HAND2: variants seen among roughly 807,000 people sequenced by gnomAD.
HAND2 encodes the protein heart and neural crest derivatives expressed 2.
HAND2 carries 2 observed loss-of-function variants against 14.7 expected under a neutral mutation model. That is an observed-to-expected ratio of 0.14 (90% CI 0.06 to 0.43). The LOEUF (loss-of-function observed/expected upper bound fraction) is 0.43, where lower values mean the gene tolerates loss of function less well. HAND2 is among the 20% of genes least tolerant of loss of function. The pLI, the probability that HAND2 is intolerant of heterozygous loss-of-function variation, is 0.99. For synonymous variants in HAND2, 162 were observed against 135.9 expected (o/e 1.19, Z -1.34); for missense variants, 275 against 313.6 (o/e 0.88, Z 0.93).
rs749015907 is a variant in HAND2, at chr4:173,528,909, G to A, written c.381C>T (p.Pro127=). Residue 127 remains proline, a synonymous_variant, in exon 1 of 2, where the codon CCC becomes CCT. Coordinates refer to ENST00000359562, the MANE Select transcript of HAND2 (RefSeq NM_021973.3). The surrounding 1 kb of genome is among the most constrained non-coding windows in gnomAD (Gnocchi z 5.6). ...AGAGTTTGGTGTCGGCGGGTACGTT[G>A]GGGATGCACTCGCGCAGTTCGGCGA... is the stretch of plus-strand genomic sequence containing the variant. ...SAFAELRECI[P]NVPADTKLSK... 1.2e-6 allele frequency: 2 copies of A among 1,614,110 alleles called. No homozygotes were observed. Among genetic ancestry groups the A allele is most frequent in the Non-Finnish European group, 1.7e-6 (2 of 1,180,008 alleles).
chr4:173,528,641 C>T lies in HAND2; in HGVS notation c.555+94G>A, dbSNP rs1205436871. On this transcript the variant is annotated intron_variant, in intron 1 of 1. Coordinates refer to ENST00000359562, the MANE Select transcript of HAND2 (RefSeq NM_021973.3). This position sits in a 1 kb window ranked among gnomAD's most constrained non-coding sequence, Gnocchi z 5.6. ...TGAAGCGGGACGCAGCCAAAGAACA[C>T]GAGATGCCATTTCTCAGCCCAATTG... The T allele has an allele frequency of 2.8e-6, 4 of 1,444,850 alleles. No individual in the cohort carries two copies. Among genetic ancestry groups the T allele is most frequent in the East Asian group, 2.5e-5 (1 of 40,482 alleles). 89.5% of individuals were successfully genotyped at this position (1,444,850 alleles called of 1,614,324 possible). A position where few individuals can be genotyped will look rare whatever the true frequency, so the allele number is the denominator to read the frequency against.
Position 173,529,034 on chromosome 4 carries a change from C to T in HAND2, c.256G>A (p.Gly86Ser), listed in dbSNP as rs1240987894. The change falls in exon 1 of 2, where the codon GGC (glycine) becomes AGC (serine). Residue 86 changes from glycine to serine, a missense_variant. Gly to Ser is a moderately conservative substitution (Grantham distance 56, BLOSUM62 0). This residue lies in a region of HAND2 where 175 missense variants were observed against 157.1 expected (regional missense o/e 1.11). Coordinates refer to ENST00000359562, the MANE Select transcript of HAND2 (RefSeq NM_021973.3). ...DHSHYGGVPP[G>S]AGPPGLGGPR... ...CCCCCCAGGCCCGGGGGCCCGGCGCCCGGCGGCACCCCCCCGTAATGGGAG... is the reference window on the plus strand; with the variant it reads ...CCCCCCAGGCCCGGGGGCCCGGCGCTCGGCGGCACCCCCCCGTAATGGGAG... 6.7e-7 allele frequency: 1 copy of T among 1,499,404 alleles called. No homozygotes were observed. 92.9% of individuals were successfully genotyped at this position (1,499,404 alleles called of 1,614,324 possible). A position where few individuals can be genotyped will look rare whatever the true frequency, so the allele number is the denominator to read the frequency against.
In HAND2 at chr4:173,529,031, C is replaced by T; in HGVS notation, c.259G>A (p.Ala87Thr). The T allele has an allele frequency of 8.0e-6, 12 of 1,502,782 alleles. No homozygotes were observed. The South Asian group carries it at 8.0e-5, about 10-fold the overall frequency. 93.1% of individuals were successfully genotyped at this position (1,502,782 alleles called of 1,614,324 possible). ...GGCCCCCCCAGGCCCGGGGGCCCGGCGCCCGGCGGCACCCCCCCGTAATGG... is the reference window on the plus strand; with the variant it reads ...GGCCCCCCCAGGCCCGGGGGCCCGGTGCCCGGCGGCACCCCCCCGTAATGG... Reference protein sequence around the residue: ...HSHYGGVPPGAGPPGLGGPRP... With the variant: ...HSHYGGVPPGTGPPGLGGPRP... The change falls in exon 1 of 2, where the codon GCC becomes ACC. Residue 87 changes from alanine (A) to threonine (T), a missense_variant. By Grantham distance (58) the Ala-to-Thr change is moderately conservative. Around this residue, in one of 4 missense-constraint regions of HAND2, gnomAD observed 175 missense variants for 157.1 expected, o/e 1.11. Transcript: ENST00000359562.
chr4:173,529,360 G>T lies in HAND2; in HGVS notation c.-71C>A. 1 of 1,158,460 alleles carries T rather than the reference G, an allele frequency of 8.6e-7. No homozygotes were observed. The allele number at this position is 1,158,460 out of a possible 1,614,324, so 71.8% of individuals were successfully genotyped here. A position where few individuals can be genotyped will look rare whatever the true frequency, so the allele number is the denominator to read the frequency against. On this transcript the variant is annotated 5_prime_UTR_variant, in exon 1 of 2. Coordinates refer to ENST00000359562, the MANE Select transcript of HAND2 (RefSeq NM_021973.3). ...CGCCGCGCCCTCGGCCCGGGCCCCT[G>T]CCTCAGCGCTCGGCGTCCTCCCCCA...
Position 173,528,443 on chromosome 4 carries a change from C to T in HAND2, c.555+292G>A. 6 of 458,402 alleles carry T rather than the reference C, an allele frequency of 1.3e-5. No homozygotes were observed. The highest frequency in any genetic ancestry group is 1.1e-4 in the South Asian group (5 of 45,034). 28.4% of individuals were successfully genotyped at this position (458,402 alleles called of 1,614,324 possible). A position where few individuals can be genotyped will look rare whatever the true frequency, so the allele number is the denominator to read the frequency against. On this transcript the variant is annotated intron_variant, in intron 1 of 1. Coordinates refer to ENST00000359562, the MANE Select transcript of HAND2 (RefSeq NM_021973.3). This position sits in a 1 kb window ranked among gnomAD's most constrained non-coding sequence, Gnocchi z 5.6. Reference sequence around the variant, plus strand: ...CCAGACCAGTGCGATCGCGATCGATCGCGACCCAGAGTTTTCAAGGTCCGT... The same window carrying T: ...CCAGACCAGTGCGATCGCGATCGATTGCGACCCAGAGTTTTCAAGGTCCGT...
chr4:173,527,365 A>G lies in HAND2; in HGVS notation c.566T>C (p.Leu189Ser), dbSNP rs1278510134. 3 of 1,612,770 alleles carry G rather than the reference A, an allele frequency of 1.9e-6. No homozygotes were observed. Among genetic ancestry groups the G allele is most frequent in the Non-Finnish European group, 1.7e-6 (2 of 1,178,930 alleles). Residue 189 changes from leucine to serine, a missense_variant, in exon 2 of 2, where the codon TTG becomes TCG. Transcript: ENST00000359562. ...GTCGTTGCTGCTCACTGTGCTTTTCAAGATTTCGTTCTGGACAGAGGAAAG... is the reference window on the plus strand; with the variant it reads ...GTCGTTGCTGCTCACTGTGCTTTTCGAGATTTCGTTCTGGACAGAGGAAAG... ...EKRKKELNEI[L>S]KSTVSSNDKK...
At position 173,527,251 on chromosome 4, in the gene HAND2, T is replaced by TCTC. The variant is rs745417688; in HGVS notation, c.*23_*25dup. ...CGCCTTGGCCCCTGCTCACTCGCGC[T>TCTC]CTCCTCCTCCTCCTTCTCCTCCTCC... is the stretch of plus-strand genomic sequence containing the variant. On this transcript the variant is annotated 3_prime_UTR_variant, in exon 2 of 2. Transcript: ENST00000359562. The TCTC allele has an allele frequency of 3.9e-6, 6 of 1,538,680 alleles. No homozygotes were observed. Among genetic ancestry groups the TCTC allele is most frequent in the Non-Finnish European group, 4.5e-6 (5 of 1,116,412 alleles).
Position 173,528,845 on chromosome 4 carries a change from C to T in HAND2, c.445G>A (p.Ala149Thr). ...KTLRLATSYI[A>T]YLMDLLAKDD... ...TTGGCCAGCAGGTCCATGAGGTAGG[C>T]GATGTAGCTGGTGGCCAGGCGCAGG... The change falls in exon 1 of 2, where the codon GCC (alanine) becomes ACC (threonine). Residue 149 changes from alanine (A) to threonine (T), a missense_variant. By Grantham distance (58) the Ala-to-Thr change is moderately conservative. Around this residue, in one of 4 missense-constraint regions of HAND2, gnomAD observed 34 missense variants for 77.9 expected, o/e 0.44. Transcript: ENST00000359562. This position sits in a 1 kb window ranked among gnomAD's most constrained non-coding sequence, Gnocchi z 5.6. 1 of 1,614,198 alleles carries T rather than the reference C, an allele frequency of 6.2e-7. No homozygotes were observed. Among genetic ancestry groups the T allele is most frequent in the Non-Finnish European group, 8.5e-7 (1 of 1,180,028 alleles).
At chr4:173,527,489 G>C in intron 1 of HAND2, 114 bp from the exon 2 acceptor site, 1 of 787,014 alleles carries the variant, frequency 1.3e-6, no homozygotes, top group South Asian at 1.4e-5. Flanking sequence ...AACCAGAGAG[G>C]AAAGGATACG....
In HAND2 at chr4:173,527,251, TCTC is replaced by T. The variant is rs745417688; in HGVS notation, c.*23_*25del. The T allele has an allele frequency of 1.6e-4, 250 of 1,535,664 alleles. No individual in the cohort carries two copies. Among genetic ancestry groups the T allele is most frequent in the Non-Finnish European group, 2.0e-4 (219 of 1,113,734 alleles). Reference sequence around the variant, plus strand: ...CGCCTTGGCCCCTGCTCACTCGCGCTCTCCTCCTCCTCCTTCTCCTCCTCCTCA... The same window carrying T: ...CGCCTTGGCCCCTGCTCACTCGCGCTCTCCTCCTCCTTCTCCTCCTCCTCA... On this transcript the variant is annotated 3_prime_UTR_variant, in exon 2 of 2. Transcript: ENST00000359562.
rs745939204 is a variant in HAND2, at chr4:173,529,251, C to T, written c.39G>A (p.Val13=). 1.0e-5 allele frequency: 14 copies of T among 1,391,020 alleles called. No homozygotes were observed. The highest frequency in any genetic ancestry group is 1.5e-5 in the African/African-American group (1 of 65,456). The allele number at this position is 1,391,020 out of a possible 1,614,324, so 86.2% of individuals were successfully genotyped here. A position where few individuals can be genotyped will look rare whatever the true frequency, so the allele number is the denominator to read the frequency against. Residue 13 remains valine, a synonymous_variant, in exon 1 of 2, where the codon GTG becomes GTA. Coordinates refer to ENST00000359562, the MANE Select transcript of HAND2 (RefSeq NM_021973.3). ...CGGCAAACGGGTAGCCCTCGTGGTG[C>T]ACCACCGGGTGGTGGGGAAAACCAC... The part of the protein sequence containing the change: ...LVGGFPHHPV[V]HHEGYPFAAA...
Position 173,529,184 on chromosome 4 carries a change from T to A in HAND2, c.106A>T (p.Ser36Cys). Reference protein sequence around the residue: ...AAAAAAASRCSHEENPYFHGW... With the variant: ...AAAAAAASRCCHEENPYFHGW... Reference sequence around the variant, plus strand: ...TGGAAGTAGGGGTTCTCCTCATGGCTGCAGCGGCTGGCGGCGGCGGCGGCA... The same window carrying A: ...TGGAAGTAGGGGTTCTCCTCATGGCAGCAGCGGCTGGCGGCGGCGGCGGCA... The change falls in exon 1 of 2, where the codon AGC becomes TGC. Residue 36 changes from serine (S) to cysteine (C), a missense_variant. By Grantham distance (112) the Ser-to-Cys change is moderately radical (BLOSUM62 -1). Coordinates refer to ENST00000359562, the MANE Select transcript of HAND2 (RefSeq NM_021973.3). 3 of 1,447,088 alleles carry A rather than the reference T, an allele frequency of 2.1e-6. No homozygotes were observed. Among genetic ancestry groups the A allele is most frequent in the Non-Finnish European group, 2.7e-6 (3 of 1,107,536 alleles). The allele number at this position is 1,447,088 out of a possible 1,614,324, so 89.6% of individuals were successfully genotyped here. A position where few individuals can be genotyped will look rare whatever the true frequency, so the allele number is the denominator to read the frequency against.
rs951080283 is a variant in HAND2, at chr4:173,526,953, T to C, written c.*324A>G. ...GTTGGCGGGGGGCAACGCTGGTGTC[T>C]ACACAGCCAAGAGGGAACATTCACG... On this transcript the variant is annotated 3_prime_UTR_variant, in exon 2 of 2. Transcript: ENST00000359562. The C allele has an allele frequency of 1.8e-6, 1 of 554,652 alleles. No homozygotes were observed. The highest frequency in any genetic ancestry group is 3.4e-6 in the Non-Finnish European group (1 of 290,804). 34.4% of individuals were successfully genotyped at this position (554,652 alleles called of 1,614,324 possible).
chr4:173,529,014 C>A lies in HAND2; in HGVS notation c.276G>T (p.Leu92=), dbSNP rs542409297. 8 of 1,591,350 alleles carry A rather than the reference C, an allele frequency of 5.0e-6. No homozygotes were observed. In the African/African-American group the frequency reaches 6.8e-5, roughly 14 times the overall value. The change falls in exon 1 of 2, where the codon CTG becomes CTT. Residue 92 remains leucine, a synonymous_variant. Transcript: ENST00000359562. ...GGCGCTTCACCGGGCGCGGCCCCCC[C>A]AGGCCCGGGGGCCCGGCGCCCGGCG... The part of the protein sequence containing the change: ...GVPPGAGPPG[L]GGPRPVKRRG...
chr4:173,527,649 G>A, intron 1 of HAND2: 1 of 475,216 alleles, frequency 2.1e-6, no homozygotes, highest in South Asian at 2.4e-5. Flanking sequence ...GGAGCGGGGG[G>A]CCTTTTCTCT....
In HAND2 at chr4:173,529,032, G is replaced by T. The variant is rs1731602992; in HGVS notation, c.258C>A (p.Gly86=). The T allele has an allele frequency of 6.6e-7, 1 of 1,503,970 alleles. No individual in the cohort carries two copies. 93.2% of individuals were successfully genotyped at this position (1,503,970 alleles called of 1,614,324 possible). The change falls in exon 1 of 2, where the codon GGC becomes GGA. Residue 86 remains glycine (G), a synonymous_variant. Coordinates refer to ENST00000359562, the MANE Select transcript of HAND2 (RefSeq NM_021973.3). ...DHSHYGGVPP[G]AGPPGLGGPR... Reference sequence around the variant, plus strand: ...GCCCCCCCAGGCCCGGGGGCCCGGCGCCCGGCGGCACCCCCCCGTAATGGG... The same window carrying T: ...GCCCCCCCAGGCCCGGGGGCCCGGCTCCCGGCGGCACCCCCCCGTAATGGG...
At position 173,529,435 on chromosome 4, in the gene HAND2, AG is replaced by A; in HGVS notation, c.-147del. On this transcript the variant is annotated 5_prime_UTR_variant, in exon 1 of 2. Coordinates refer to ENST00000359562, the MANE Select transcript of HAND2 (RefSeq NM_021973.3). ...GCCCGGGCCCGCCCGGCAGCCGCAG[AG>A]GGGGCTGCTGCAGCCCGGGCCCCGT... 8.3e-6 allele frequency: 2 copies of A among 241,336 alleles called. No individual in the cohort carries two copies. The highest frequency in any genetic ancestry group is 1.2e-5 in the Non-Finnish European group (2 of 165,294). 14.9% of individuals were successfully genotyped at this position (241,336 alleles called of 1,614,324 possible).
At position 173,528,470 on chromosome 4, in the gene HAND2, C is replaced by T. The variant is rs1169597567; in HGVS notation, c.555+265G>A. ...CGACCCAGAGTTTTCAAGGTCCGTC[C>T]TAAGTACTAGGGGAGCAGCGATAAC... is the stretch of plus-strand genomic sequence containing the variant. On this transcript the variant is annotated intron_variant, in intron 1 of 1. Coordinates refer to ENST00000359562, the MANE Select transcript of HAND2 (RefSeq NM_021973.3). This position sits in a 1 kb window ranked among gnomAD's most constrained non-coding sequence, Gnocchi z 5.6. The T allele has an allele frequency of 7.7e-6, 4 of 517,040 alleles. No homozygotes were observed. The highest frequency in any genetic ancestry group is 1.1e-5 in the Non-Finnish European group (3 of 284,074). The allele number at this position is 517,040 out of a possible 1,614,324, so 32.0% of individuals were successfully genotyped here. A position where few individuals can be genotyped will look rare whatever the true frequency, so the allele number is the denominator to read the frequency against.
At position 173,528,975 on chromosome 4, in the gene HAND2, G is replaced by A. The variant is rs1731598099; in HGVS notation, c.315C>T (p.Asn105=). Residue 105 remains asparagine (N), a synonymous_variant, in exon 1 of 2, where the codon AAC becomes AAT. Coordinates refer to ENST00000359562, the MANE Select transcript of HAND2 (RefSeq NM_021973.3). The surrounding 1 kb of genome is among the most constrained non-coding windows in gnomAD (Gnocchi z 5.6). The part of the protein sequence containing the change: ...PRPVKRRGTA[N]RKERRRTQSI... ...TCTGAGTCCTGCGCCGCTCCTTGCG[G>A]TTGGCGGTGCCTCGGCGCTTCACCG... is the stretch of plus-strand genomic sequence containing the variant. The A allele has an allele frequency of 6.2e-7, 1 of 1,613,170 alleles. No homozygotes were observed. Among genetic ancestry groups the A allele is most frequent in the Non-Finnish European group, 8.5e-7 (1 of 1,179,620 alleles).
Sources: allele counts gnomAD v4.1 joint callset, GRCh38; gene constraint gnomAD v4.1.1; regional missense constraint gnomAD v4.1.1; non-coding constraint Gnocchi (gnomAD v3.1); transcripts MANE v1.5; gene names NCBI Gene and HGNC (gene_info 2026-07-23, HGNC 2026-07-21).